CDH13: variants seen among roughly 807,000 people sequenced by gnomAD.
CDH13 encodes cadherin 13.
In CDH13, 24 loss-of-function variants were observed where a neutral mutation model predicts 63.8. The observed-to-expected ratio is 0.38, with a 90% CI of 0.27 to 0.53. CDH13 has a LOEUF of 0.53. Ranked by LOEUF, CDH13 falls within the 20% of genes least tolerant of loss-of-function variation. The pLI is 0.85. For synonymous variants in CDH13, 503 were observed against 355.3 expected (o/e 1.42, Z -4.67); for missense variants, 1,049 against 903.1 (o/e 1.16, Z -2.07).
chr16:83,574,772 A>G (rs1904956759), intron 7 of CDH13, among the ~76,000 whole-genome samples: 2 of 152,178 alleles, frequency 1.3e-5, no homozygotes, highest in South Asian at 2.1e-4. Context: ...TTTCTATGAA[A>G]CAAGAATTTC....
At chr16:83,387,693 T>A (rs894479120) in intron 6 of CDH13, among the ~76,000 whole-genome samples, 5 of 152,210 alleles carry the variant, frequency 3.3e-5, no homozygotes, top group African/African-American at 1.2e-4. Context: ...TTGGACATGG[T>A]TGAGAATGTC....
At chr16:83,694,064 G>A (rs1400097199) in intron 10 of CDH13, among the ~76,000 whole-genome samples, 1 of 152,172 alleles carries the variant, frequency 6.6e-6, no homozygotes, top group African/African-American at 2.4e-5. Context: ...GGCTATGTTA[G>A]GTGGAATAAA....
At chr16:82,659,496 A>T (rs1178346760) in intron 1 of CDH13, among the ~76,000 whole-genome samples, 1 of 152,224 alleles carries the variant, frequency 6.6e-6, no homozygotes, top group Non-Finnish European at 1.5e-5. Context: ...GGAAATTGGA[A>T]CAAAAAATAA....
At chr16:83,081,581 T>A (rs2033254590) in intron 3 of CDH13, among the ~76,000 whole-genome samples, 1 of 152,200 alleles carries the variant, frequency 6.6e-6, no homozygotes, top group Non-Finnish European at 1.5e-5. Flanking sequence ...CTCCCAGTTC[T>A]GGAGACCAGA....
intron 7 of CDH13, among the ~76,000 whole-genome samples, chr16:83,542,460 C>A: frequency 6.6e-6 from 1 of 152,322 alleles, no homozygotes; most frequent in South Asian, 2.1e-4. Context: ...GGCATAGGGA[C>A]CAATAACGTG....
Position 83,698,311 on chromosome 16 carries a change from C to G in CDH13, c.1538+19850C>G, listed in dbSNP as rs558524214. On this transcript the variant is annotated intron_variant, in intron 10 of 13. Coordinates refer to ENST00000567109, the MANE Select transcript of CDH13 (RefSeq NM_001257.5). Reference sequence around the variant, plus strand: ...AATGAATGCTAATTAAATATCTTCACTTAATTATTATTTGATGCACTTCCT... The same window carrying G: ...AATGAATGCTAATTAAATATCTTCAGTTAATTATTATTTGATGCACTTCCT... 2.0e-4 allele frequency among the ~76,000 whole-genome samples: 31 copies of G among 152,308 alleles called. No individual in the cohort carries two copies. In the South Asian group the frequency reaches 3.3e-3, roughly 16 times the overall value.
intron 6 of CDH13, among the ~76,000 whole-genome samples, chr16:83,444,434 T>C (rs1037437587): frequency 1.3e-5 from 2 of 152,228 alleles, no homozygotes; most frequent in African/African-American, 4.8e-5. Flanking sequence ...AGGACAATAC[T>C]TCTTAAATTT....
chr16:82,910,369 A>G (rs2151262368), intron 2 of CDH13, among the ~76,000 whole-genome samples: 1 of 152,312 alleles, frequency 6.6e-6, no homozygotes, highest in East Asian at 1.9e-4. Flanking sequence ...TGAAAAGTTA[A>G]AACATTAAAT....
chr16:83,055,167 T>A (rs1039280821), intron 3 of CDH13, among the ~76,000 whole-genome samples: 18 of 151,964 alleles, frequency 1.2e-4, no homozygotes, highest in East Asian at 3.9e-4. Context: ...ATAACAAAAC[T>A]TGAGAATCCA....
intron 2 of CDH13, among the ~76,000 whole-genome samples, chr16:82,947,268 C>G (rs1451966462): frequency 1.3e-5 from 2 of 152,114 alleles, no homozygotes; most frequent in African/African-American, 4.8e-5. Flanking sequence ...TCTCTCCCTC[C>G]TATTTTCTGT....
At chr16:83,765,051 TC>T (rs763775997) in intron 11 of CDH13, among the ~76,000 whole-genome samples, 1 of 152,218 alleles carries the variant, frequency 6.6e-6, no homozygotes, top group Non-Finnish European at 1.5e-5. Context: ...TTCTGATCTA[TC>T]CCCAGGCAGT....
intron 1 of CDH13, among the ~76,000 whole-genome samples, chr16:82,678,708 A>G (rs1404739860): frequency 1.3e-5 from 2 of 152,194 alleles, no homozygotes; most frequent in Non-Finnish European, 2.9e-5. Context: ...TGAAGAGTAC[A>G]CAGTTTAAGG....
At chr16:83,252,194 C>G (rs1289926402) in intron 5 of CDH13, among the ~76,000 whole-genome samples, 1 of 148,802 alleles carries the variant, frequency 6.7e-6, no homozygotes, top group Non-Finnish European at 1.5e-5. Flanking sequence ...AGTCTCCCCA[C>G]CCCTAATGCA....
At chr16:83,038,673 T>A (rs1917076543) in intron 3 of CDH13, among the ~76,000 whole-genome samples, 1 of 152,220 alleles carries the variant, frequency 6.6e-6, no homozygotes, top group Admixed American at 6.5e-5. Context: ...TGTGCACACA[T>A]GCGTGTTCGC....
chr16:83,427,415 G>A (rs981187027), intron 6 of CDH13, among the ~76,000 whole-genome samples: 8 of 152,116 alleles, frequency 5.3e-5, no homozygotes, highest in African/African-American at 1.9e-4. Context: ...GCCAAGGAAT[G>A]TGGGTAGCCT....
chr16:83,492,053 A>C (rs1456128646), intron 7 of CDH13, among the ~76,000 whole-genome samples: 1 of 152,186 alleles, frequency 6.6e-6, no homozygotes, highest in Non-Finnish European at 1.5e-5. Context: ...TAGCCAACGA[A>C]TTTGGATGTG....
chr16:83,252,823 C>A (rs973416577), intron 5 of CDH13, among the ~76,000 whole-genome samples: 4 of 151,994 alleles, frequency 2.6e-5, no homozygotes, highest in African/African-American at 7.3e-5. Context: ...ATTTCCTAGC[C>A]CCAAAAATCC....
chr16:83,486,355 C>A lies in CDH13; in HGVS notation c.782-122C>A, dbSNP rs12919249. On this transcript the variant is annotated intron_variant, in intron 6 of 13. Transcript: ENST00000567109. The stretch of plus-strand genomic sequence containing the variant: ...ATAGCAAAGCTTGGGAAATACTTTT[C>A]TTTTTTAATTTGGAAAGTGATGGGC... The A allele has an allele frequency of 3.8e-5, 26 of 675,672 alleles. No individual in the cohort carries two copies. In the South Asian group the frequency reaches 7.7e-4, roughly 20 times the overall value. The allele number at this position is 675,672 out of a possible 1,614,324, so 41.9% of individuals were successfully genotyped here. A position where few individuals can be genotyped will look rare whatever the true frequency, so the allele number is the denominator to read the frequency against.
At chr16:83,222,146 C>T (rs1205775949) in intron 5 of CDH13, among the ~76,000 whole-genome samples, 6 of 152,188 alleles carry the variant, frequency 3.9e-5, no homozygotes, top group African/African-American at 7.2e-5. Flanking sequence ...CACCTGTGTT[C>T]CTGGCCTCAG....
Sources: gnomAD v4.1 joint callset for allele counts (sites outside exome capture counted in the v4.1 genomes callset) on GRCh38, gnomAD v4.1.1 for gene constraint, MANE v1.5 for transcripts, NCBI Gene and HGNC (gene_info 2026-07-23, HGNC 2026-07-21) for gene names.